DHCR7: variants seen among roughly 807,000 people sequenced by gnomAD.
DHCR7 encodes 7-dehydrocholesterol reductase.
A neutral mutation model predicts 43.3 loss-of-function variants in DHCR7; 40 were observed. The ratio of observed to expected loss-of-function variants is 0.92; its 90% confidence interval spans 0.72 to 1.20. The LOEUF (loss-of-function observed/expected upper bound fraction) is 1.20. Among genes scored for constraint, DHCR7 ranks in the 50% most tolerant of loss-of-function variants. DHCR7 has a pLI of 0.00. For synonymous variants in DHCR7, 298 were observed against 271.4 expected (o/e 1.10, Z -0.96); for missense variants, 608 against 644.6 (o/e 0.94, Z 0.62).
In DHCR7 at chr11:71,439,087, A is replaced by T. The variant is rs1300133134; in HGVS notation, c.627-4T>A. 2 of 1,612,840 alleles carry T rather than the reference A, an allele frequency of 1.2e-6. No homozygotes were observed. Among genetic ancestry groups the T allele is most frequent in the East Asian group, 2.2e-5 (1 of 44,832 alleles). On this transcript the variant is annotated splice_region_variant and splice_polypyrimidine_tract_variant and intron_variant, in intron 6 of 8. Coordinates refer to ENST00000355527, the MANE Select transcript of DHCR7 (RefSeq NM_001360.3). The stretch of plus-strand genomic sequence containing the variant: ...AAAGAAATTGCCTGTGAATTTGCTT[A>T]AAAATATAAATAAAAGATACATTTA...
At chr11:71,430,072 G>A (rs537543825), downstream of DHCR7, among the ~76,000 whole-genome samples, 3 of 152,360 alleles carry the variant, frequency 2.0e-5, no homozygotes, top group South Asian at 6.2e-4. Context: ...GAGTGGATCT[G>A]TGAGCTGAGG....
chr11:71,442,454 C>A, intron 4 of DHCR7, 101 bp from the exon 5 acceptor site: 1 of 894,532 alleles, frequency 1.1e-6, no homozygotes, highest in Non-Finnish European at 1.8e-6. Context: ...TCTTTTTCTT[C>A]CTGAAGCACT....
At chr11:71,431,026 A>G (rs899630207), downstream of DHCR7, among the ~76,000 whole-genome samples, 1 of 152,130 alleles carries the variant, frequency 6.6e-6, no homozygotes, top group African/African-American at 2.4e-5. Flanking sequence ...ATGGTGGTGC[A>G]TGCCTGTAAT....
intron 2 of DHCR7, among the ~76,000 whole-genome samples, chr11:71,445,336 T>G (rs1038750196): frequency 1.3e-5 from 2 of 152,208 alleles, no homozygotes; most frequent in Non-Finnish European, 2.9e-5. Flanking sequence ...GAACACAGTT[T>G]AAATTGTCTG....
intron 6 of DHCR7, among the ~76,000 whole-genome samples, chr11:71,439,462 A>C (rs957996195): frequency 6.6e-6 from 1 of 152,204 alleles, no homozygotes; most frequent in Admixed American, 6.5e-5. Context: ...GCTTGATTGC[A>C]CTGAGATTAC....
chr11:71,444,872 C>T lies in DHCR7; in HGVS notation c.81G>A (p.Gly27=). 1 of 1,614,194 alleles carries T rather than the reference C, an allele frequency of 6.2e-7. No homozygotes were observed. The highest frequency in any genetic ancestry group is 1.3e-5 in the African/African-American group (1 of 75,074). The part of the protein sequence containing the change: ...GVTNDRTASQ[G]QWGRAWEVDW... Reference sequence around the variant, plus strand: ...ATCCTTACCAGGCACGGCCCCACTGCCCTTGAGATGCGGTTCTGTCATTGG... The same window carrying T: ...ATCCTTACCAGGCACGGCCCCACTGTCCTTGAGATGCGGTTCTGTCATTGG... Residue 27 remains glycine, a synonymous_variant, in exon 3 of 9, where the codon GGG becomes GGA. Transcript: ENST00000355527.
chr11:71,428,926 C>T (rs1238199201), intron 2 of DHCR7: 5 of 451,554 alleles, frequency 1.1e-5, no homozygotes, highest in Non-Finnish European at 1.8e-5. Context: ...AAATAATAAC[C>T]ATGTAATTCA....
chr11:71,445,029 C>T (rs1416814996), intron 2 of DHCR7, 71 bp from the exon 3 acceptor site: 2 of 1,358,970 alleles, frequency 1.5e-6, no homozygotes, highest in Non-Finnish European at 2.1e-6. Context: ...TTGCATCCAC[C>T]ACTGCTCCTG....
intron 5 of DHCR7, 89 bp from the exon 6 acceptor site, chr11:71,441,529 G>A: frequency 2.6e-6 from 3 of 1,170,050 alleles, no homozygotes; most frequent in South Asian, 2.6e-5. Flanking sequence ...CGGGGGCCCT[G>A]GTCACTTTCT....
At chr11:71,428,097 TCTTTC>T (rs1949209424), downstream of DHCR7, 2 of 151,406 alleles carry the variant, frequency 1.3e-5, no homozygotes, top group South Asian at 4.2e-4. Context: ...TTGTGTTAAC[TCTTTC>T]CTTCATAAAA....
downstream of DHCR7, among the ~76,000 whole-genome samples, chr11:71,430,450 A>G (rs970400380): frequency 3.3e-5 from 5 of 152,086 alleles, no homozygotes; most frequent in Non-Finnish European, 5.9e-5. Flanking sequence ...CTGTGACCCC[A>G]AAGCCCCAGA....
downstream of DHCR7, among the ~76,000 whole-genome samples, chr11:71,433,380 C>A (rs1345547912): frequency 1.3e-5 from 2 of 152,216 alleles, no homozygotes; most frequent in African/African-American, 4.8e-5. Context: ...CACAGCCTTG[C>A]ACCTGCAGAA....
intron 2 of DHCR7, among the ~76,000 whole-genome samples, chr11:71,446,404 A>G (rs542370353): frequency 2.6e-5 from 4 of 152,246 alleles, no homozygotes; most frequent in Non-Finnish European, 2.9e-5. Flanking sequence ...TTGTCATAAC[A>G]ATGTATACTC....
At position 71,435,025 on chromosome 11, in the gene DHCR7, G is replaced by A; in HGVS notation, c.*350C>T. ...ATGACAGGGCGTGGGAAGACCTCCTGCTCACCAGTGTGGGCAGAGTGTAGC... is the reference window on the plus strand; with the variant it reads ...ATGACAGGGCGTGGGAAGACCTCCTACTCACCAGTGTGGGCAGAGTGTAGC... On this transcript the variant is annotated 3_prime_UTR_variant, in exon 9 of 9. Coordinates refer to ENST00000355527, the MANE Select transcript of DHCR7 (RefSeq NM_001360.3). 1 of 499,668 alleles carries A rather than the reference G, an allele frequency of 2.0e-6. No homozygotes were observed. Among genetic ancestry groups the A allele is most frequent in the Non-Finnish European group, 3.9e-6 (1 of 256,856 alleles). 31.0% of individuals were successfully genotyped at this position (499,668 alleles called of 1,614,324 possible). A position where few individuals can be genotyped will look rare whatever the true frequency, so the allele number is the denominator to read the frequency against.
At chr11:71,428,524 C>T (rs143452627) in exon 3 of DHCR7, 3 of 175,082 alleles carry the variant, frequency 1.7e-5, no homozygotes, top group East Asian at 1.6e-4. Context: ...GATCTTTTCA[C>T]GGTTTTTTTG....
chr11:71,439,597 T>C (rs990720231), intron 6 of DHCR7, among the ~76,000 whole-genome samples: 37 of 152,222 alleles, frequency 2.4e-4, no homozygotes, highest in African/African-American at 8.7e-4. Flanking sequence ...GCTTCCAGCA[T>C]GTGCAGGACA....
downstream of DHCR7, among the ~76,000 whole-genome samples, chr11:71,427,982 T>G (rs1161882163): frequency 6.6e-6 from 1 of 152,182 alleles, no homozygotes; most frequent in Non-Finnish European, 1.5e-5. Context: ...TGACCTGCTC[T>G]TATCAATTAG....
intron 2 of DHCR7, chr11:71,428,915 A>C (rs1466667282): frequency 2.2e-6 from 1 of 453,882 alleles, no homozygotes; most frequent in African/African-American, 2.0e-5. Flanking sequence ...GTTAAAGAAA[A>C]AAATAATAAC....
downstream of DHCR7, among the ~76,000 whole-genome samples, chr11:71,433,060 T>C (rs549928888): frequency 6.6e-6 from 1 of 152,332 alleles, no homozygotes; most frequent in East Asian, 1.9e-4. Flanking sequence ...GCCCTGACCC[T>C]GTCCTGGGGT....
Sources: allele counts gnomAD v4.1 joint callset (sites outside exome capture counted in the v4.1 genomes callset), GRCh38; gene constraint gnomAD v4.1.1; transcripts MANE v1.5; gene names NCBI Gene and HGNC (gene_info 2026-07-23, HGNC 2026-07-21).